Variants in HGSNAT observed in about 807,000 individuals in gnomAD.
HGSNAT encodes transmembrane protein 76.
HGSNAT carries 59 observed loss-of-function variants against 85.2 expected under a neutral mutation model. The ratio of observed to expected loss-of-function variants is 0.69; its 90% CI spans 0.56 to 0.86. HGSNAT has a LOEUF of 0.86. Ranked by LOEUF, HGSNAT falls within the 40% of genes least tolerant of loss-of-function variation. HGSNAT has a pLI of 0.00. For synonymous variants in HGSNAT, 321 were observed against 304.5 expected (o/e 1.05, Z -0.56); for missense variants, 756 against 777.1 (o/e 0.97, Z 0.32).
At chr8:43,186,144 T>C (rs2130792412) in intron 11 of HGSNAT, among the ~76,000 whole-genome samples, 1 of 152,366 alleles carries the variant, frequency 6.6e-6, no homozygotes, top group Middle Eastern at 3.4e-3. Flanking sequence ...AGGATGATGC[T>C]GGCCTCATAA....
At chr8:43,149,263 A>T (rs1802816304) in intron 2 of HGSNAT, among the ~76,000 whole-genome samples, 1 of 152,172 alleles carries the variant, frequency 6.6e-6, no homozygotes, top group South Asian at 2.1e-4. Context: ...TTTGTATTTA[A>T]TCATAGTGGT....
intron 2 of HGSNAT, among the ~76,000 whole-genome samples, chr8:43,155,851 C>CT (rs956856378): frequency 6.8e-6 from 1 of 148,102 alleles, no homozygotes; most frequent in Admixed American, 6.7e-5. Context: ...TTTTTTTTTT[C>CT]TTTTTTTAAG....
intron 5 of HGSNAT, among the ~76,000 whole-genome samples, chr8:43,163,602 C>T (rs1803339345): frequency 6.6e-6 from 1 of 151,038 alleles, no homozygotes; most frequent in Non-Finnish European, 1.5e-5. Context: ...TCTCTGCTCG[C>T]TGCAACCTCT....
chr8:43,180,805 T>C (rs1190326284), intron 10 of HGSNAT: 33 of 158,030 alleles, frequency 2.1e-4, no homozygotes, highest in Non-Finnish European at 3.4e-4. Flanking sequence ...TGGGCACCAT[T>C]GAGCACTGAG....
rs199816365 is a variant in HGSNAT at position 43,147,033 on chromosome 8, C to T, written c.204C>T (p.Thr68=). 264 of 1,604,144 alleles carry T rather than the reference C, an allele frequency of 1.6e-4. 1 individual carries two copies. In the African/African-American group the frequency reaches 2.9e-3, roughly 18 times the overall value. The change falls in exon 2 of 18, where the codon ACC becomes ACT. Residue 68 remains threonine (T), a synonymous_variant. Coordinates refer to ENST00000379644, the MANE Select transcript of HGSNAT (RefSeq NM_152419.3). ...ATGAACTTCTCTGGACCAACTTGACCGTCTACTGGAAATCTGAATGCTGTT... is the reference window on the plus strand; with the variant it reads ...ATGAACTTCTCTGGACCAACTTGACTGTCTACTGGAAATCTGAATGCTGTT... ...IHNELLWTNL[T]VYWKSECCYH... is the part of the protein sequence containing the mutation.
At chr8:43,155,192 A>G (rs1202545428) in intron 2 of HGSNAT, among the ~76,000 whole-genome samples, 3 of 151,962 alleles carry the variant, frequency 2.0e-5, no homozygotes, top group African/African-American at 7.3e-5. Context: ...TATATTCCCA[A>G]CAACAGTGTG....
At chr8:43,183,371 T>C (rs1804199193) in intron 11 of HGSNAT, among the ~76,000 whole-genome samples, 1 of 152,060 alleles carries the variant, frequency 6.6e-6, no homozygotes, top group Admixed American at 6.6e-5. Context: ...TTCACTGTGT[T>C]GCCCAGGCTG....
In HGSNAT at chr8:43,162,453, C is replaced by A. The variant is rs943384241; in HGVS notation, c.563+946C>A. Among the ~76,000 whole-genome samples, 5 of 152,198 alleles carry A rather than the reference C, an allele frequency of 3.3e-5. No homozygotes were observed. The East Asian group carries it at 9.7e-4, about 29-fold the overall frequency. ...GAGGAAGATTCTAGCAGTGGAGTTT[C>A]ATTTCTTTGAGTTAAGGTATTATCT... On this transcript the variant is annotated intron_variant, in intron 5 of 17. Coordinates refer to ENST00000379644, the MANE Select transcript of HGSNAT (RefSeq NM_152419.3).
intron 5 of HGSNAT, among the ~76,000 whole-genome samples, chr8:43,165,832 A>G (rs1197081759): frequency 6.6e-6 from 1 of 152,236 alleles, no homozygotes; most frequent in Non-Finnish European, 1.5e-5. Flanking sequence ...GCTACTCTGG[A>G]GCCTGAGGCA....
intron 17 of HGSNAT, 38 bp downstream of exon 17, chr8:43,197,990 G>T: frequency 6.8e-7 from 1 of 1,464,568 alleles, no homozygotes; most frequent in South Asian, 1.2e-5. Flanking sequence ...CTGGGATGGT[G>T]ACCAGGAGGC....
At chr8:43,173,314 CT>C (rs1195071928) in intron 8 of HGSNAT, among the ~76,000 whole-genome samples, 176 of 144,422 alleles carry the variant, frequency 1.2e-3, no homozygotes, top group Middle Eastern at 3.6e-3. Flanking sequence ...TTTTCTTTTT[CT>C]TTTTTTTTTT....
intron 11 of HGSNAT, among the ~76,000 whole-genome samples, chr8:43,190,209 A>T (rs999490259): frequency 1.6e-4 from 24 of 152,242 alleles, no homozygotes; most frequent in African/African-American, 5.8e-4. Context: ...GAGTTCACTC[A>T]GGTGACAGTT....
At position 43,199,294 on chromosome 8, in the gene HGSNAT, G is replaced by T. The variant is rs1204800907; in HGVS notation, c.1727-94G>T. ...CCAACAATGGAAGTGCACACTTTCT[G>T]TTTTTTCATTGAACTGGTTTCAAGA... On this transcript the variant is annotated intron_variant, in intron 17 of 17. Coordinates refer to ENST00000379644, the MANE Select transcript of HGSNAT (RefSeq NM_152419.3). 3 of 898,860 alleles carry T rather than the reference G, an allele frequency of 3.3e-6. No homozygotes were observed. In the Admixed American group the frequency reaches 7.8e-5, roughly 23 times the overall value. 55.7% of individuals were successfully genotyped at this position (898,860 alleles called of 1,614,324 possible). A position where few individuals can be genotyped will look rare whatever the true frequency, so the allele number is the denominator to read the frequency against.
At chr8:43,166,949 G>A (rs1410472922) in intron 5 of HGSNAT, among the ~76,000 whole-genome samples, 1 of 152,166 alleles carries the variant, frequency 6.6e-6, no homozygotes, top group East Asian at 1.9e-4. Context: ...GTTGATTCCA[G>A]CCCTCATGGA....
intron 11 of HGSNAT, among the ~76,000 whole-genome samples, chr8:43,188,019 G>A (rs1804381990): frequency 6.6e-6 from 1 of 152,178 alleles, no homozygotes; most frequent in Admixed American, 6.5e-5. Flanking sequence ...TCTGCTGTTA[G>A]TCTGATGGAC....
chr8:43,179,649 G>A (rs1335747254), intron 10 of HGSNAT, among the ~76,000 whole-genome samples: 1 of 19,846 alleles, frequency 5.0e-5, no homozygotes, highest in Non-Finnish European at 9.8e-5. Flanking sequence ...GGGGCGACTG[G>A]CCAGGCGGGG....
intron 8 of HGSNAT, among the ~76,000 whole-genome samples, chr8:43,173,271 T>C (rs1397443111): frequency 6.6e-6 from 1 of 152,092 alleles, no homozygotes; most frequent in Non-Finnish European, 1.5e-5. Flanking sequence ...ATTACAGGTG[T>C]GAGCCACACC....
intron 11 of HGSNAT, among the ~76,000 whole-genome samples, chr8:43,184,941 G>A (rs1479501535): frequency 6.6e-6 from 1 of 152,144 alleles, no homozygotes; most frequent in African/African-American, 2.4e-5. Context: ...GAGATCAGAT[G>A]GTTGTAGATG....
rs372658645 is a variant in HGSNAT, at chr8:43,194,502, A to G, written c.1464+659A>G. ...TGTCACACTTCTTTCATGTACACTC[A>G]TATTAGTCTGTGTGTCCTGACCTAA... On this transcript the variant is annotated intron_variant, in intron 14 of 17. Coordinates refer to ENST00000379644, the MANE Select transcript of HGSNAT (RefSeq NM_152419.3). 9.1e-6 allele frequency: 9 copies of G among 985,388 alleles called. No homozygotes were observed. In the African/African-American group the frequency reaches 1.4e-4, roughly 15 times the overall value. 61.0% of individuals were successfully genotyped at this position (985,388 alleles called of 1,614,324 possible).
Sources: allele counts gnomAD v4.1 joint callset (sites outside exome capture counted in the v4.1 genomes callset), GRCh38; gene constraint gnomAD v4.1.1; transcripts MANE v1.5; gene names NCBI Gene and HGNC (gene_info 2026-07-23, HGNC 2026-07-21).